The following SH3RF1 variants were observed in gnomAD, a reference collection of about 807,000 sequenced individuals.
SH3RF1 encodes SH3 domain containing ring finger 1, also known as E3 ubiquitin-protein ligase SH3RF1.
In SH3RF1, 32 loss-of-function variants were observed where a neutral mutation model predicts 74.0. That is an observed-to-expected ratio of 0.43 (90% CI 0.33 to 0.58). The LOEUF (loss-of-function observed/expected upper bound fraction) is 0.58, where lower values mean the gene tolerates loss of function less well. Ranked by LOEUF, SH3RF1 falls within the 20% of genes least tolerant of loss-of-function variation. The probability of loss-of-function intolerance (pLI) is 0.05; values close to 1 mark genes in which losing one functional copy is unlikely to be tolerated. For synonymous variants in SH3RF1, 396 were observed against 439.6 expected (o/e 0.90, Z 1.24); for missense variants, 954 against 1,130.9 (o/e 0.84, Z 2.24).
intron 2 of SH3RF1, among the ~76,000 whole-genome samples, chr4:169,191,612 T>C (rs1734711700): frequency 6.6e-6 from 1 of 151,814 alleles, no homozygotes; most frequent in Non-Finnish European, 1.5e-5. Flanking sequence ...AAAGAACAAA[T>C]CTGGAGGCAT....
chr4:169,238,117 C>T (rs991125830), intron 2 of SH3RF1, among the ~76,000 whole-genome samples: 1 of 152,184 alleles, frequency 6.6e-6, no homozygotes, highest in Non-Finnish European at 1.5e-5. Flanking sequence ...AGAATAGAGC[C>T]CTATCTCTGC....
intron 2 of SH3RF1, among the ~76,000 whole-genome samples, chr4:169,194,788 G>GT (rs1162100895): frequency 6.6e-6 from 1 of 152,142 alleles, no homozygotes; most frequent in South Asian, 2.1e-4. Flanking sequence ...CAAAGTGATT[G>GT]TATCAATGCA....
intron 11 of SH3RF1, among the ~76,000 whole-genome samples, chr4:169,104,538 G>A (rs1415448212): frequency 6.6e-6 from 1 of 152,076 alleles, no homozygotes; most frequent in Admixed American, 6.5e-5. Flanking sequence ...TAGGGTAATG[G>A]CTCATTTTAA....
chr4:169,217,014 C>A (rs34155968), intron 2 of SH3RF1, among the ~76,000 whole-genome samples: 2,684 of 50,198 alleles, frequency 0.053, 71 homozygotes, highest in Middle Eastern at 0.29. Flanking sequence ...AAAAAAAAAA[C>A]CAGCCAGGTG....
In SH3RF1 at chr4:169,236,409, C is replaced by T. The variant is rs80349821; in HGVS notation, c.393+32411G>A. On this transcript the variant is annotated intron_variant, in intron 2 of 11. Coordinates refer to ENST00000284637, the MANE Select transcript of SH3RF1 (RefSeq NM_020870.4). ...GGTGTCCCTCTGCCAATCCACACAA[C>T]GTATACCTTGAGTGAGAAATAAGCC... 9.2e-5 allele frequency among the ~76,000 whole-genome samples: 14 copies of T among 152,288 alleles called. No homozygotes were observed. In the East Asian group the frequency reaches 1.9e-3, roughly 21 times the overall value.
At chr4:169,185,850 T>C (rs1011508000) in intron 2 of SH3RF1, among the ~76,000 whole-genome samples, 3 of 152,112 alleles carry the variant, frequency 2.0e-5, no homozygotes, top group Non-Finnish European at 2.9e-5. Context: ...GCAGCAATCA[T>C]GGGTGGAGAG....
At chr4:169,211,976 A>T (rs1006523536) in intron 2 of SH3RF1, among the ~76,000 whole-genome samples, 4 of 150,752 alleles carry the variant, frequency 2.7e-5, no homozygotes, top group African/African-American at 9.8e-5. Flanking sequence ...CCATTCCATT[A>T]CTTAGTTTTT....
intron 2 of SH3RF1, among the ~76,000 whole-genome samples, chr4:169,179,408 A>C (rs1002359541): frequency 6.6e-6 from 1 of 152,218 alleles, no homozygotes; most frequent in Non-Finnish European, 1.5e-5. Flanking sequence ...TAAGTTAATA[A>C]AATTACTTTG....
At chr4:169,242,878 A>G (rs910507277) in intron 2 of SH3RF1, among the ~76,000 whole-genome samples, 9 of 152,212 alleles carry the variant, frequency 5.9e-5, no homozygotes, top group African/African-American at 2.2e-4. Flanking sequence ...ACCATGAGCC[A>G]AATACATTTC....
chr4:169,107,022 C>T lies in SH3RF1; in HGVS notation c.2323G>A (p.Val775Met), dbSNP rs763005689. 7 of 1,613,782 alleles carry T rather than the reference C, an allele frequency of 4.3e-6. No individual in the cohort carries two copies. The highest frequency in any genetic ancestry group is 1.7e-5 in the Admixed American group (1 of 59,992). ...GTCGTGACCGGTCCGTCCCCGTCCA[C>T]AGGGCAGGAGCCTGCCCTGCCATGG... ...GGHGRAGSCP[V>M]DGDGPVTTAV... The change falls in exon 11 of 12, where the codon GTG (valine) becomes ATG (methionine). Residue 775 changes from valine (V) to methionine (M), a missense_variant. Val to Met is a conservative substitution (Grantham distance 21, BLOSUM62 1). Transcript: ENST00000284637.
At chr4:169,162,984 C>T (rs560536283) in intron 2 of SH3RF1, among the ~76,000 whole-genome samples, 5 of 152,222 alleles carry the variant, frequency 3.3e-5, no homozygotes, top group African/African-American at 7.2e-5. Context: ...AATCCACCAT[C>T]GCTAATGGAG....
In SH3RF1 at chr4:169,141,718, A is replaced by G. The variant is rs1579103188; in HGVS notation, c.766-5098T>C. On this transcript the variant is annotated intron_variant, in intron 4 of 11. Transcript: ENST00000284637. ...AGTGGCACAATCTCAGCTCAGTGCA[A>G]CCTCTGCCTCCCCGATTCAAGTGAT... Among the ~76,000 whole-genome samples the G allele has an allele frequency of 2.6e-5, 4 of 150,980 alleles. No homozygotes were observed. The East Asian group carries it at 7.8e-4, about 29-fold the overall frequency.
chr4:169,254,823 C>T (rs143458772), intron 2 of SH3RF1, among the ~76,000 whole-genome samples: 180 of 152,212 alleles, frequency 1.2e-3, no homozygotes, highest in Non-Finnish European at 2.2e-3. Flanking sequence ...GGTTGGATAG[C>T]GTCCAAAGGA....
intron 2 of SH3RF1, among the ~76,000 whole-genome samples, chr4:169,220,873 G>C (rs1730554979): frequency 6.6e-6 from 1 of 152,184 alleles, no homozygotes. Flanking sequence ...CAAAAACAAA[G>C]TCATTGAAGA....
At chr4:169,251,000 T>C (rs1731095647) in intron 2 of SH3RF1, among the ~76,000 whole-genome samples, 1 of 152,146 alleles carries the variant, frequency 6.6e-6, no homozygotes, top group Non-Finnish European at 1.5e-5. Context: ...AAAGTCTGTA[T>C]GGCTGGAGCA....
chr4:169,120,691 G>T, intron 8 of SH3RF1, 128 bp downstream of exon 8: 1 of 994,868 alleles, frequency 1.0e-6, no homozygotes, highest in Non-Finnish European at 1.4e-6. Flanking sequence ...TGTAGACATG[G>T]ATTTTTAAAA....
chr4:169,221,365 T>C (rs976740842), intron 2 of SH3RF1, among the ~76,000 whole-genome samples: 4 of 151,914 alleles, frequency 2.6e-5, no homozygotes, highest in Non-Finnish European at 5.9e-5. Context: ...ACCAGCTGAG[T>C]CCTCTTCCAG....
intron 2 of SH3RF1, among the ~76,000 whole-genome samples, chr4:169,216,927 G>A (rs1730472742): frequency 6.7e-6 from 1 of 149,904 alleles, no homozygotes; most frequent in Non-Finnish European, 1.5e-5. Flanking sequence ...GAGGCAGGCG[G>A]ATCACTTGAG....
rs1170041033 is a variant in SH3RF1 at position 169,106,895 on chromosome 4, G to A, written c.2450C>T (p.Ser817Phe). ...PIAPPPRQACSSLGPVLNESR... is the reference protein window; with the variant it reads ...PIAPPPRQACFSLGPVLNESR... ...CTCATTCAAGACAGGACCCAGGGAG[G>A]AACAGGCCTGGCGAGGAGGTGGAGC... Residue 817 changes from serine to phenylalanine, a missense_variant, in exon 11 of 12, where the codon TCC becomes TTC. Transcript: ENST00000284637. 1 of 1,613,226 alleles carries A rather than the reference G, an allele frequency of 6.2e-7. No individual in the cohort carries two copies. Among genetic ancestry groups the A allele is most frequent in the Non-Finnish European group, 8.5e-7 (1 of 1,179,774 alleles).
Sources: allele counts gnomAD v4.1 joint callset (sites outside exome capture counted in the v4.1 genomes callset), GRCh38; gene constraint gnomAD v4.1.1; transcripts MANE v1.5; gene names NCBI Gene and HGNC (gene_info 2026-07-23, HGNC 2026-07-21).